The following HECW2 variants were observed in gnomAD, a reference collection of about 807,000 sequenced individuals.
The protein encoded by HECW2 is E3 ubiquitin-protein ligase HECW2.
Under a neutral mutation model 175.2 loss-of-function variants are expected in HECW2, and 61 were observed. The observed-to-expected ratio is 0.35, with a 90% CI of 0.28 to 0.43. HECW2 has a LOEUF of 0.43. Among genes scored for constraint, HECW2 ranks in the 20% least tolerant of loss-of-function variants. The pLI is 1.00. For synonymous variants in HECW2, 671 were observed against 731.0 expected (o/e 0.92, Z 1.32); for missense variants, 1,524 against 2,000.5 (o/e 0.76, Z 4.54).
intron 4 of HECW2, among the ~76,000 whole-genome samples, chr2:196,333,845 C>T (rs1304619263): frequency 6.6e-6 from 1 of 152,164 alleles, no homozygotes; most frequent in African/African-American, 2.4e-5. Flanking sequence ...GAAGGCCTGA[C>T]TTCTGAAGTC....
chr2:196,526,699 C>T (rs1166403869), intron 1 of HECW2, among the ~76,000 whole-genome samples: 2 of 150,558 alleles, frequency 1.3e-5, no homozygotes, highest in African/African-American at 2.5e-5. Context: ...TTCTAACAGA[C>T]AGGACCCTCA....
intron 12 of HECW2, 127 bp from the exon 13 acceptor site, chr2:196,306,739 C>A: frequency 1.1e-6 from 1 of 946,694 alleles, no homozygotes; most frequent in Non-Finnish European, 1.5e-6. Flanking sequence ...ATTTTAATCC[C>A]CCAATGCTTT....
intron 1 of HECW2, among the ~76,000 whole-genome samples, chr2:196,450,569 G>A (rs577075332): frequency 6.8e-6 from 1 of 146,528 alleles, no homozygotes; most frequent in East Asian, 2.0e-4. Context: ...TTGGCTCACT[G>A]CAACCTCTGC....
chr2:196,222,437 A>G (rs1319840691), intron 23 of HECW2, 97 bp from the exon 24 acceptor site: 16 of 1,145,220 alleles, frequency 1.4e-5, no homozygotes, highest in South Asian at 6.2e-5. Context: ...AGAGAAGAAT[A>G]AGAGCCACTA....
At chr2:196,481,527 T>G (rs1686842934) in intron 1 of HECW2, among the ~76,000 whole-genome samples, 1 of 152,168 alleles carries the variant, frequency 6.6e-6, no homozygotes, top group African/African-American at 2.4e-5. Context: ...AGAGTATTGC[T>G]CATTCTGGGA....
At chr2:196,546,435 C>A (rs1689425703) in intron 1 of HECW2, among the ~76,000 whole-genome samples, 1 of 152,204 alleles carries the variant, frequency 6.6e-6, no homozygotes, top group Non-Finnish European at 1.5e-5. Context: ...CAGAATTTTA[C>A]CAGAATATCT....
At chr2:196,581,447 T>C (rs1055952651) in intron 1 of HECW2, among the ~76,000 whole-genome samples, 2 of 151,962 alleles carry the variant, frequency 1.3e-5, no homozygotes, top group Non-Finnish European at 2.9e-5. Flanking sequence ...GGCATGAGAA[T>C]CACTTGAACC....
chr2:196,368,712 T>G (rs1202935459), intron 2 of HECW2, among the ~76,000 whole-genome samples: 1 of 152,116 alleles, frequency 6.6e-6, no homozygotes, highest in Non-Finnish European at 1.5e-5. Context: ...ATAGCCTGTC[T>G]TCAAGATAAT....
chr2:196,457,204 C>G (rs1418245188), intron 1 of HECW2, among the ~76,000 whole-genome samples: 1 of 152,204 alleles, frequency 6.6e-6, no homozygotes, highest in East Asian at 1.9e-4. Context: ...AAGCTTTGAT[C>G]ACATCAAGTT....
intron 1 of HECW2, among the ~76,000 whole-genome samples, chr2:196,561,417 C>A (rs979722896): frequency 6.6e-6 from 1 of 152,170 alleles, no homozygotes; most frequent in Non-Finnish European, 1.5e-5. Flanking sequence ...TAGTTTTGCC[C>A]TGACCTTGTG....
At chr2:196,364,639 T>C (rs1006646296) in intron 2 of HECW2, among the ~76,000 whole-genome samples, 6 of 152,224 alleles carry the variant, frequency 3.9e-5, no homozygotes, top group African/African-American at 1.4e-4. Flanking sequence ...CTTATGTTTT[T>C]ACTTACTATG....
chr2:196,578,666 A>G (rs1690650179), intron 1 of HECW2, among the ~76,000 whole-genome samples: 1 of 152,208 alleles, frequency 6.6e-6, no homozygotes, highest in Non-Finnish European at 1.5e-5. Context: ...TTGATTTCTC[A>G]TGAGAAACCA....
chr2:196,305,525 T>C (rs900761822), intron 13 of HECW2, among the ~76,000 whole-genome samples: 1 of 152,234 alleles, frequency 6.6e-6, no homozygotes, highest in African/African-American at 2.4e-5. Context: ...TTCTCTATGA[T>C]CTACTCTGTT....
chr2:196,542,937 TATTA>T (rs1689278833), intron 1 of HECW2, among the ~76,000 whole-genome samples: 1 of 148,266 alleles, frequency 6.7e-6, no homozygotes, highest in Non-Finnish European at 1.5e-5. Flanking sequence ...GATAGCTATA[TATTA>T]TATATTTATA....
chr2:196,204,015 G>A (rs752917018), intron 28 of HECW2, among the ~76,000 whole-genome samples: 1 of 152,176 alleles, frequency 6.6e-6, no homozygotes, highest in South Asian at 2.1e-4. Context: ...TAAGGTTGAT[G>A]TTGTAGCATG....
intron 1 of HECW2, among the ~76,000 whole-genome samples, chr2:196,472,611 T>TTTTTTC (rs1009515949): frequency 3.9e-5 from 6 of 152,020 alleles, no homozygotes; most frequent in Admixed American, 3.3e-4. Context: ...AAGATGACTT[T>TTTTTTC]TTTTTCTTTT....
chr2:196,394,972 T>C (rs1040227766), intron 2 of HECW2, among the ~76,000 whole-genome samples: 6 of 152,206 alleles, frequency 3.9e-5, no homozygotes, highest in African/African-American at 1.4e-4. Context: ...TGCTTCCTCA[T>C]AAATAATGCC....
intron 1 of HECW2, among the ~76,000 whole-genome samples, chr2:196,560,709 C>T (rs373655877): frequency 3.3e-5 from 5 of 152,248 alleles, no homozygotes; most frequent in African/African-American, 1.2e-4. Context: ...AATTTTCCCA[C>T]AAAAAAGTCC....
At chr2:196,275,827 G>GT (rs1689934429) in intron 15 of HECW2, among the ~76,000 whole-genome samples, 1 of 151,932 alleles carries the variant, frequency 6.6e-6, no homozygotes, top group Non-Finnish European at 1.5e-5. Flanking sequence ...TTTCTTCATT[G>GT]TAGCAGGTGT....
Sources: allele counts gnomAD v4.1 joint callset (sites outside exome capture counted in the v4.1 genomes callset), GRCh38; gene constraint gnomAD v4.1.1; transcripts MANE v1.5; gene names NCBI Gene and HGNC (gene_info 2026-07-23, HGNC 2026-07-21).